LHPP: variants seen among roughly 807,000 people sequenced by gnomAD.
LHPP encodes the protein phospholysine phosphohistidine inorganic pyrophosphate phosphatase.
Under a neutral mutation model 30.3 loss-of-function variants are expected in LHPP, and 24 were observed. The observed-to-expected ratio is 0.79, with a 90% CI of 0.57 to 1.11. The LOEUF (loss-of-function observed/expected upper bound fraction) is 1.11. LHPP is among the 50% of genes most tolerant of loss of function. The pLI is 0.00. For synonymous variants in LHPP, 150 were observed against 157.1 expected, an observed-to-expected ratio of 0.95 and a Z score of 0.34; for missense variants, 356 against 367.2, an observed-to-expected ratio of 0.97 and a Z score of 0.25.
At chr10:124,477,096 GGGA>G (rs1471729770) in intron 1 of LHPP, among the ~76,000 whole-genome samples, 1 of 152,148 alleles carries the variant, frequency 6.6e-6, no homozygotes, top group Non-Finnish European at 1.5e-5. Flanking sequence ...CCAACTACTC[GGGA>G]GGTTGAGGCA....
chr10:124,550,289 T>C (rs1161791205), intron 6 of LHPP, among the ~76,000 whole-genome samples: 1 of 152,150 alleles, frequency 6.6e-6, no homozygotes, highest in African/African-American at 2.4e-5. Flanking sequence ...GGGGCTGGGG[T>C]GACCCCCGTC....
chr10:124,594,812 A>G (rs1405661127), intron 6 of LHPP, among the ~76,000 whole-genome samples: 2 of 151,868 alleles, frequency 1.3e-5, no homozygotes, highest in Non-Finnish European at 2.9e-5. Flanking sequence ...TGTATTTTTT[A>G]GTAGAGAGGG....
chr10:124,509,537 A>T (rs1221346800), intron 5 of LHPP, among the ~76,000 whole-genome samples: 1 of 149,750 alleles, frequency 6.7e-6, no homozygotes, highest in Non-Finnish European at 1.5e-5. Flanking sequence ...GTTTCCCCAC[A>T]TCCTTACCAA....
intron 6 of LHPP, among the ~76,000 whole-genome samples, chr10:124,551,987 A>G (rs1454324400): frequency 6.6e-6 from 1 of 152,078 alleles, no homozygotes; most frequent in Non-Finnish European, 1.5e-5. Context: ...CACTGAGCAC[A>G]GGCACGTCCA....
chr10:124,543,774 AAT>A (rs1955263054), intron 6 of LHPP, among the ~76,000 whole-genome samples: 1 of 42,748 alleles, frequency 2.3e-5, no homozygotes, highest in Admixed American at 3.6e-4. Flanking sequence ...TTTAAAAATT[AAT>A]ATATTTTTTT....
intron 6 of LHPP, among the ~76,000 whole-genome samples, chr10:124,528,296 A>G (rs985496929): frequency 6.6e-6 from 1 of 152,242 alleles, no homozygotes; most frequent in South Asian, 2.1e-4. Context: ...GTGGTCCACC[A>G]CATGGTCATG....
chr10:124,552,459 AG>A (rs1360595454), intron 6 of LHPP, among the ~76,000 whole-genome samples: 3 of 152,222 alleles, frequency 2.0e-5, no homozygotes, highest in South Asian at 2.1e-4. Flanking sequence ...TGTCTAAAGA[AG>A]CACCTGCCCC....
chr10:124,521,482 A>C (rs1393336504), intron 6 of LHPP, among the ~76,000 whole-genome samples: 1 of 152,242 alleles, frequency 6.6e-6, no homozygotes, highest in African/African-American at 2.4e-5. Context: ...AAGTGGCCCA[A>C]AGAGGCCTCA....
intron 6 of LHPP, among the ~76,000 whole-genome samples, chr10:124,550,071 G>T (rs994577267): frequency 7.2e-5 from 11 of 152,248 alleles, no homozygotes; most frequent in Admixed American, 5.9e-4. Context: ...AGGCCCAGGG[G>T]TTAGAGAACT....
At chr10:124,475,226 T>G (rs1439404283) in intron 1 of LHPP, among the ~76,000 whole-genome samples, 1 of 151,778 alleles carries the variant, frequency 6.6e-6, no homozygotes, top group Non-Finnish European at 1.5e-5. Context: ...TTTCACTGTG[T>G]TGTTCGCCAT....
At chr10:124,513,702 C>T (rs1412014261) in intron 5 of LHPP, among the ~76,000 whole-genome samples, 1 of 150,530 alleles carries the variant, frequency 6.6e-6, no homozygotes, top group Non-Finnish European at 1.5e-5. Flanking sequence ...GTGATCCACC[C>T]GCCTCAGCCT....
rs1353361748 is a variant in LHPP, at chr10:124,541,760, G to T, written c.716+24489G>T. Among the ~76,000 whole-genome samples, 1 of 152,148 alleles carries T rather than the reference G, an allele frequency of 6.6e-6. No homozygotes were observed. Among genetic ancestry groups the T allele is most frequent in the Non-Finnish European group, 1.5e-5 (1 of 68,016 alleles). On this transcript the variant is annotated intron_variant, in intron 6 of 6. Coordinates refer to ENST00000368842, the MANE Select transcript of LHPP (RefSeq NM_022126.4). The surrounding 1 kb of genome is among the most constrained non-coding windows in gnomAD (Gnocchi z 4.2). ...TAGAACACGCTGGACACTGGGGAGG[G>T]CTCTAATGGTATTTGCACAAATTTG... is the stretch of plus-strand genomic sequence containing the variant.
chr10:124,528,306 G>T (rs11598196), intron 6 of LHPP, among the ~76,000 whole-genome samples: 17,764 of 152,254 alleles, frequency 0.12, 1,433 homozygotes, highest in Non-Finnish European at 0.16. Context: ...ACATGGTCAT[G>T]GTGGCTTTCT....
chr10:124,613,461 C>CCCCTGCCT lies in LHPP; in HGVS notation c.*102_*103insCCTGCCTC. The CCCCTGCCT allele has an allele frequency of 2.6e-6, 2 of 769,346 alleles. No individual in the cohort carries two copies. Among genetic ancestry groups the CCCCTGCCT allele is most frequent in the Non-Finnish European group, 4.4e-6 (2 of 459,678 alleles). The allele number at this position is 769,346 out of a possible 1,614,324, so 47.7% of individuals were successfully genotyped here. ...CCTCCACCCGCCCAGGAGAGCCCCA[C>CCCCTGCCT]CTCCTCCACCCCTGCCTCTCCTCCA... is the stretch of plus-strand genomic sequence containing the variant. On this transcript the variant is annotated 3_prime_UTR_variant, in exon 7 of 7. Transcript: ENST00000368842.
In LHPP at chr10:124,613,355, A is replaced by C; in HGVS notation, c.808A>C (p.Lys270Gln). ...GGACCTGCTGCTGCAGCACGCCGAC[A>C]AGTGATGGCCTCCTGGGAGAGCCCC... The part of the protein sequence containing the change: ...AVDLLLQHAD[K>Q] The change falls in exon 7 of 7, where the codon AAG becomes CAG. Residue 270 changes from lysine (K) to glutamine (Q), a missense_variant. By Grantham distance (53) the Lys-to-Gln change is moderately conservative (BLOSUM62 1). Coordinates refer to ENST00000368842, the MANE Select transcript of LHPP (RefSeq NM_022126.4). 2 of 1,611,138 alleles carry C rather than the reference A, an allele frequency of 1.2e-6. No individual in the cohort carries two copies. The highest frequency in any genetic ancestry group is 3.3e-5 in the Admixed American group (2 of 59,992).
At chr10:124,582,490 G>T (rs772308435) in intron 6 of LHPP, among the ~76,000 whole-genome samples, 2 of 152,166 alleles carry the variant, frequency 1.3e-5, no homozygotes, top group Non-Finnish European at 2.9e-5. Context: ...TGATTTACAG[G>T]TACAGTTGAC....
intron 6 of LHPP, among the ~76,000 whole-genome samples, chr10:124,582,848 A>T (rs918871700): frequency 3.3e-5 from 5 of 152,052 alleles, no homozygotes; most frequent in Non-Finnish European, 5.9e-5. Context: ...CTATTCAAAA[A>T]AAAAAAAGAA....
intron 6 of LHPP, among the ~76,000 whole-genome samples, chr10:124,545,245 A>G (rs1955304843): frequency 6.6e-6 from 1 of 152,158 alleles, no homozygotes. Context: ...TCGCTTCTCT[A>G]AGCATTCCTT....
intron 1 of LHPP, among the ~76,000 whole-genome samples, chr10:124,480,214 G>T (rs913064122): frequency 6.6e-6 from 1 of 152,180 alleles, no homozygotes; most frequent in East Asian, 1.9e-4. Flanking sequence ...CTCAAAGGGG[G>T]GTGTGGTCCG....
Sources: allele counts gnomAD v4.1 joint callset (sites outside exome capture counted in the v4.1 genomes callset), GRCh38; gene constraint gnomAD v4.1.1; non-coding constraint Gnocchi (gnomAD v3.1); transcripts MANE v1.5; gene names NCBI Gene and HGNC (gene_info 2026-07-23, HGNC 2026-07-21).